Variants in ALDH1L2 observed in about 807,000 individuals in gnomAD.
ALDH1L2 encodes aldehyde dehydrogenase 1 family member L2.
ALDH1L2 carries 91 observed loss-of-function variants against 111.0 expected under a neutral mutation model. That is an observed-to-expected ratio of 0.82 (90% CI 0.69 to 0.98). The LOEUF (loss-of-function observed/expected upper bound fraction) is 0.98, where lower values mean the gene tolerates loss of function less well. ALDH1L2 is among the 50% of genes least tolerant of loss of function. ALDH1L2 has a pLI of 0.00. For synonymous variants in ALDH1L2, 374 were observed against 392.6 expected, an observed-to-expected ratio of 0.95 and a Z score of 0.56; for missense variants, 995 against 1,126.8, an observed-to-expected ratio of 0.88 and a Z score of 1.67.
At chr12:105,048,287 A>G (rs563277653) in intron 13 of ALDH1L2, 1 of 152,326 alleles carries the variant, frequency 6.6e-6, no homozygotes, top group South Asian at 2.1e-4. Flanking sequence ...AATAACTTTA[A>G]CAACATCGGC....
At chr12:105,066,523 G>T in intron 5 of ALDH1L2, 45 bp downstream of exon 5, 1 of 1,550,018 alleles carries the variant, frequency 6.5e-7, no homozygotes, top group Non-Finnish European at 8.9e-7. Flanking sequence ...GAAGGGTAGA[G>T]GGCCATGAAC....
chr12:105,084,327 G>T, intron 1 of ALDH1L2, 62 bp downstream of exon 1: 2 of 619,390 alleles, frequency 3.2e-6, no homozygotes, highest in Non-Finnish European at 2.6e-6. Flanking sequence ...CGGCCCTCCC[G>T]CCCCGGAGTC....
chr12:105,054,956 C>G (rs570225770), intron 10 of ALDH1L2, among the ~76,000 whole-genome samples: 1 of 152,244 alleles, frequency 6.6e-6, no homozygotes, highest in Admixed American at 6.5e-5. Flanking sequence ...AATATTGCAG[C>G]TGCCCACAGC....
chr12:105,038,503 T>G (rs2136059167), intron 17 of ALDH1L2, among the ~76,000 whole-genome samples: 1 of 151,858 alleles, frequency 6.6e-6, no homozygotes, highest in Middle Eastern at 3.4e-3. Context: ...CTCATCTCTA[T>G]AAAAAATAAG....
intron 21 of ALDH1L2, among the ~76,000 whole-genome samples, chr12:105,027,160 C>G (rs1171206619): frequency 7.2e-5 from 11 of 152,252 alleles, no homozygotes; most frequent in Admixed American, 7.2e-4. Context: ...CAGGTGTGAG[C>G]CACTGCGCCC....
intron 12 of ALDH1L2, among the ~76,000 whole-genome samples, chr12:105,051,409 C>T (rs1164516085): frequency 6.6e-6 from 1 of 152,160 alleles, no homozygotes; most frequent in Non-Finnish European, 1.5e-5. Context: ...CCCTCCACTG[C>T]AGTGTGGTTT....
At chr12:105,040,291 T>C (rs1292038378) in intron 16 of ALDH1L2, among the ~76,000 whole-genome samples, 3 of 152,124 alleles carry the variant, frequency 2.0e-5, no homozygotes, top group Non-Finnish European at 2.9e-5. Context: ...TTTATGAAAT[T>C]ATCAGACTCC....
Position 105,020,311 on chromosome 12 carries a change from A to G in ALDH1L2, c.*4113T>C, listed in dbSNP as rs1385585806. On this transcript the variant is annotated 3_prime_UTR_variant, in exon 23 of 23. Coordinates refer to ENST00000258494, the MANE Select transcript of ALDH1L2 (RefSeq NM_001034173.4). ...GCTTATTATTTTTAGTTTAACCAAT[A>G]CTTAATATGTGCCCACAGCTCACTA... The G allele has an allele frequency of 2.0e-5, 3 of 152,312 alleles. No homozygotes were observed. Among genetic ancestry groups the G allele is most frequent in the South Asian group, 4.1e-4 (2 of 4,826 alleles). The allele number at this position is 152,312 out of a possible 1,614,324, so 9.4% of individuals were successfully genotyped here. A position where few individuals can be genotyped will look rare whatever the true frequency, so the allele number is the denominator to read the frequency against.
intron 10 of ALDH1L2, among the ~76,000 whole-genome samples, chr12:105,054,278 G>A (rs1876478501): frequency 6.6e-6 from 1 of 152,050 alleles, no homozygotes; most frequent in African/African-American, 2.4e-5. Context: ...AAAACAAATG[G>A]GTGAGAAGTA....
intron 6 of ALDH1L2, 46 bp downstream of exon 6, chr12:105,065,221 G>C (rs1385573464): frequency 1.7e-6 from 2 of 1,152,670 alleles, no homozygotes; most frequent in South Asian, 1.2e-5. Context: ...TCTTACAAAG[G>C]TAATAATCGG....
At chr12:105,074,928 C>A (rs137909017) in intron 1 of ALDH1L2, among the ~76,000 whole-genome samples, 1 of 152,184 alleles carries the variant, frequency 6.6e-6, no homozygotes, top group African/African-American at 2.4e-5. Context: ...TAAGCTTCAA[C>A]AAATACTTGC....
rs114417872 is a variant in ALDH1L2 at position 105,058,898 on chromosome 12, T to G, written c.1140-678A>C. Among the ~76,000 whole-genome samples, 703 of 152,200 alleles carry G rather than the reference T, an allele frequency of 4.6e-3. 5 individuals are homozygous for G. The highest frequency in any genetic ancestry group is 0.016 in the African/African-American group (660 of 41,522). On this transcript the variant is annotated intron_variant, in intron 9 of 22. Coordinates refer to ENST00000258494, the MANE Select transcript of ALDH1L2 (RefSeq NM_001034173.4). ...AATCAAGATAATAATATCAGATGAT[T>G]ATGGTAAGCCAGACACTCAAACAGA...
At position 105,070,602 on chromosome 12, in the gene ALDH1L2, C is replaced by A; in HGVS notation, c.396G>T (p.Leu132=). ...HGSIIYHPSI[L]PRHRGASAIN... Reference sequence around the variant, plus strand: ...TAGCAGAGGCTCCTCTGTGCCTGGGCAGGATGGATGGGTGATAAATGATAG... The same window carrying A: ...TAGCAGAGGCTCCTCTGTGCCTGGGAAGGATGGATGGGTGATAAATGATAG... The change falls in exon 3 of 23, where the codon CTG becomes CTT. Residue 132 remains leucine (L), a synonymous_variant. Coordinates refer to ENST00000258494, the MANE Select transcript of ALDH1L2 (RefSeq NM_001034173.4). 2 of 1,613,790 alleles carry A rather than the reference C, an allele frequency of 1.2e-6. No homozygotes were observed. Among genetic ancestry groups the A allele is most frequent in the South Asian group, 2.2e-5 (2 of 91,062 alleles).
intron 18 of ALDH1L2, among the ~76,000 whole-genome samples, chr12:105,036,775 T>A (rs919412570): frequency 1.3e-5 from 2 of 151,714 alleles, no homozygotes; most frequent in Admixed American, 1.3e-4. Flanking sequence ...AAAAATATGT[T>A]GACTGTCTTG....
chr12:105,036,032 T>TCCC (rs1874999935), intron 18 of ALDH1L2, among the ~76,000 whole-genome samples: 1 of 106,462 alleles, frequency 9.4e-6, no homozygotes, highest in South Asian at 2.7e-4. Context: ...TATATATACG[T>TCCC]ATATTTATAT....
intron 9 of ALDH1L2, among the ~76,000 whole-genome samples, chr12:105,059,022 A>G (rs1876816329): frequency 6.6e-6 from 1 of 151,948 alleles, no homozygotes; most frequent in Non-Finnish European, 1.5e-5. Flanking sequence ...TAATCCCAAC[A>G]CTTTGGGAGG....
At chr12:105,048,488 C>T (rs550482388) in intron 13 of ALDH1L2, 6 of 152,160 alleles carry the variant, frequency 3.9e-5, no homozygotes, top group African/African-American at 1.4e-4. Flanking sequence ...ACCACTCCCC[C>T]TTTCTCACTT....
chr12:105,047,060 T>A, intron 13 of ALDH1L2, 91 bp from the exon 14 acceptor site: 2 of 1,411,500 alleles, frequency 1.4e-6, no homozygotes, highest in Non-Finnish European at 2.0e-6. Flanking sequence ...CCTCTCTTAC[T>A]TTTTGTTAGC....
At position 105,066,624 on chromosome 12, in the gene ALDH1L2, G is replaced by A. The variant is rs535287864; in HGVS notation, c.640C>T (p.Pro214Ser). 43 of 1,613,982 alleles carry A rather than the reference G, an allele frequency of 2.7e-5. No individual in the cohort carries two copies. Among genetic ancestry groups the A allele is most frequent in the Non-Finnish European group, 3.5e-5 (41 of 1,180,020 alleles). ...LIADGKAPRIPQPEEGATYEG... is the reference protein window; with the variant it reads ...LIADGKAPRISQPEEGATYEG... ...TATGTTGCCCCTTCTTCTGGCTGGGGTATACGAGGAGCTTTTCCATCAGCT... is the reference window on the plus strand; with the variant it reads ...TATGTTGCCCCTTCTTCTGGCTGGGATATACGAGGAGCTTTTCCATCAGCT... The change falls in exon 5 of 23, where the codon CCC (proline) becomes TCC (serine). Residue 214 changes from proline (P) to serine (S), a missense_variant. Pro to Ser is a moderately conservative substitution (Grantham distance 74). Coordinates refer to ENST00000258494, the MANE Select transcript of ALDH1L2 (RefSeq NM_001034173.4).
Sources: gnomAD v4.1 joint callset for allele counts (sites outside exome capture counted in the v4.1 genomes callset) on GRCh38, gnomAD v4.1.1 for gene constraint, MANE v1.5 for transcripts, NCBI Gene and HGNC (gene_info 2026-07-23, HGNC 2026-07-21) for gene names.